Variants in LDLRAD2 observed in about 807,000 individuals in gnomAD.
LDLRAD2 encodes the protein low-density lipoprotein receptor class A domain-containing protein 2.
Under a neutral mutation model 24.9 loss-of-function variants are expected in LDLRAD2, and 25 were observed. That is an observed-to-expected ratio of 1.00 (90% CI 0.73 to 1.40). LDLRAD2 has a LOEUF of 1.40. Among genes scored for constraint, LDLRAD2 ranks in the 40% most tolerant of loss-of-function variants. The pLI is 0.00. For missense variants in LDLRAD2, 391 were observed against 366.2 expected, an observed-to-expected ratio of 1.07 and a Z score of -0.55; for synonymous variants, 182 against 166.7, an observed-to-expected ratio of 1.09 and a Z score of -0.71.
chr1:21,814,686 C>A lies in LDLRAD2; in HGVS notation c.374C>A (p.Pro125His), dbSNP rs201719027. ...FYEGPPGAPR[P>H]LGSPLCGLNI... ...GAGGGCCCGCCGGGGGCGCCCCGGC[C>A]CCTGGGGTCCCCACTGTGCGGCCTG... is the stretch of plus-strand genomic sequence containing the variant. The change falls in exon 2 of 5, where the codon CCC becomes CAC. Residue 125 changes from proline (P) to histidine (H), a missense_variant. Pro to His is a moderately conservative substitution (Grantham distance 77). Transcript: ENST00000344642. The A allele has an allele frequency of 1.9e-6, 3 of 1,573,548 alleles. No homozygotes were observed. Among genetic ancestry groups the A allele is most frequent in the Non-Finnish European group, 2.6e-6 (3 of 1,160,638 alleles).
rs559196119 is a variant in LDLRAD2 at position 21,812,265 on chromosome 1, C to T, written c.-187C>T. On this transcript the variant is annotated 5_prime_UTR_variant, in exon 1 of 5. Transcript: ENST00000344642. ...TCCATGGCAACCCCTGGACACAGTT[C>T]TGAACCAAATGAAGAGGATCTGGAA... 39 of 563,128 alleles carry T rather than the reference C, an allele frequency of 6.9e-5. No individual in the cohort carries two copies. In the South Asian group the frequency reaches 7.6e-4, roughly 11 times the overall value. The allele number at this position is 563,128 out of a possible 1,614,324, so 34.9% of individuals were successfully genotyped here.
rs560834218 is a variant in LDLRAD2 at position 21,825,137 on chromosome 1, G to A, written c.*2922G>A. 2.9e-6 allele frequency: 1 copy of A among 348,200 alleles called. No homozygotes were observed. The highest frequency in any genetic ancestry group is 7.0e-5 in the East Asian group (1 of 14,292). The allele number at this position is 348,200 out of a possible 1,614,324, so 21.6% of individuals were successfully genotyped here. A position where few individuals can be genotyped will look rare whatever the true frequency, so the allele number is the denominator to read the frequency against. ...TATCATTTACACATATTGCTGCTTT[G>A]AAATTGTGGTAGCTACTGAGATCAC... On this transcript the variant is annotated 3_prime_UTR_variant, in exon 5 of 5. Coordinates refer to ENST00000344642, the MANE Select transcript of LDLRAD2 (RefSeq NM_001013693.3).
In LDLRAD2 at chr1:21,824,408, C is replaced by T; in HGVS notation, c.*2193C>T. 2.5e-6 allele frequency: 4 copies of T among 1,612,602 alleles called. No individual in the cohort carries two copies. The highest frequency in any genetic ancestry group is 3.4e-6 in the Non-Finnish European group (4 of 1,179,088). On this transcript the variant is annotated 3_prime_UTR_variant, in exon 5 of 5. Transcript: ENST00000344642. The surrounding 1 kb of genome is among the most constrained non-coding windows in gnomAD (Gnocchi z 5.9). ...GGGAAGCACAGGGTCTCTGGGGTCC[C>T]CAGCCTGGAGAGCAGAGGCTGCCGA...
At chr1:21,820,273 C>T (rs1362108140) in intron 3 of LDLRAD2, among the ~76,000 whole-genome samples, 1 of 151,700 alleles carries the variant, frequency 6.6e-6, no homozygotes, top group East Asian at 1.9e-4. Context: ...CGGTGGCTCA[C>T]GCCTGTAATC....
In LDLRAD2 at chr1:21,823,803, C is replaced by G. The variant is rs545327188; in HGVS notation, c.*1588C>G. On this transcript the variant is annotated 3_prime_UTR_variant, in exon 5 of 5. Transcript: ENST00000344642. The stretch of plus-strand genomic sequence containing the variant: ...CGACAGAGTCCCCTCCCTCTGATAT[C>G]GAGACTCCAGACTCAGAAGTCTGTC... 1 of 1,039,522 alleles carries G rather than the reference C, an allele frequency of 9.6e-7. No homozygotes were observed. Among genetic ancestry groups the G allele is most frequent in the East Asian group, 2.4e-5 (1 of 41,652 alleles). The allele number at this position is 1,039,522 out of a possible 1,614,324, so 64.4% of individuals were successfully genotyped here. A position where few individuals can be genotyped will look rare whatever the true frequency, so the allele number is the denominator to read the frequency against.
At chr1:21,812,806 C>T (rs368305028) in intron 1 of LDLRAD2, among the ~76,000 whole-genome samples, 6 of 152,202 alleles carry the variant, frequency 3.9e-5, no homozygotes, top group African/African-American at 1.2e-4. Context: ...CTGTAGGCTT[C>T]GGATTCAGAG....
intron 4 of LDLRAD2, chr1:21,821,982 G>A (rs982479446): frequency 7.0e-7 from 1 of 1,425,506 alleles, no homozygotes; most frequent in East Asian, 2.5e-5. Flanking sequence ...TCGGGCACAT[G>A]GGAATGATAC....
At position 21,823,852 on chromosome 1, in the gene LDLRAD2, C is replaced by T. The variant is rs1233689686; in HGVS notation, c.*1637C>T. ...TCCCTGTTTCCCAAGCTCTTTCTTT[C>T]CCCCGCTGAACGAGAGATCGGGCCC... On this transcript the variant is annotated 3_prime_UTR_variant, in exon 5 of 5. Coordinates refer to ENST00000344642, the MANE Select transcript of LDLRAD2 (RefSeq NM_001013693.3). 6.3e-6 allele frequency: 5 copies of T among 795,796 alleles called. No homozygotes were observed. The highest frequency in any genetic ancestry group is 1.1e-5 in the Non-Finnish European group (5 of 471,836). The allele number at this position is 795,796 out of a possible 1,614,324, so 49.3% of individuals were successfully genotyped here.
At chr1:21,818,243 C>T (rs2097946189) in intron 3 of LDLRAD2, among the ~76,000 whole-genome samples, 1 of 149,390 alleles carries the variant, frequency 6.7e-6, no homozygotes, top group Non-Finnish European at 1.5e-5. Flanking sequence ...AACTCCTGAC[C>T]TCAAGTGATC....
chr1:21,818,742 TTA>T (rs1182433031), intron 3 of LDLRAD2, among the ~76,000 whole-genome samples: 1 of 152,078 alleles, frequency 6.6e-6, no homozygotes, highest in African/African-American at 2.4e-5. Context: ...GTAAATCAGG[TTA>T]TGTCACTATC....
At chr1:21,817,537 C>G (rs2097945149) in intron 3 of LDLRAD2, among the ~76,000 whole-genome samples, 1 of 152,098 alleles carries the variant, frequency 6.6e-6, no homozygotes, top group African/African-American at 2.4e-5. Flanking sequence ...GATGAGGTCT[C>G]ACTGTATTGC....
At chr1:21,819,886 A>G (rs1470663367) in intron 3 of LDLRAD2, among the ~76,000 whole-genome samples, 1 of 152,182 alleles carries the variant, frequency 6.6e-6, no homozygotes, top group Non-Finnish European at 1.5e-5. Flanking sequence ...GCTTCAGGGG[A>G]TGCCTCAAGA....
In LDLRAD2 at chr1:21,816,020, G is replaced by A. The variant is rs1166331345; in HGVS notation, c.589G>A (p.Asp197Asn). 1 of 1,613,848 alleles carries A rather than the reference G, an allele frequency of 6.2e-7. No homozygotes were observed. Among genetic ancestry groups the A allele is most frequent in the South Asian group, 1.1e-5 (1 of 91,090 alleles). ...CCTCGTGTGTGACCCCTGGGGCATG[G>A]ACAACTGTGGCGATGGCAGTGACCA... Reference protein sequence around the residue: ...SSLVCDPWGMDNCGDGSDQGS... With the variant: ...SSLVCDPWGMNNCGDGSDQGS... The change falls in exon 3 of 5, where the codon GAC becomes AAC. Residue 197 changes from aspartate to asparagine, a missense_variant. Asp to Asn is a conservative substitution (Grantham distance 23). Coordinates refer to ENST00000344642, the MANE Select transcript of LDLRAD2 (RefSeq NM_001013693.3).
intron 1 of LDLRAD2, among the ~76,000 whole-genome samples, chr1:21,813,266 G>A (rs2097940334): frequency 6.6e-6 from 1 of 152,004 alleles, no homozygotes; most frequent in Admixed American, 6.6e-5. Context: ...CTGCACTCCA[G>A]CCTGGCAACA....
chr1:21,821,418 TCA>T (rs1169830585), intron 3 of LDLRAD2, 30 bp from the exon 4 acceptor site: 24 of 1,611,286 alleles, frequency 1.5e-5, no homozygotes, highest in Non-Finnish European at 2.0e-5. Flanking sequence ...AGGGCAGTTC[TCA>T]GTGTGCTAGT....
chr1:21,815,246 T>A (rs1243586816), intron 2 of LDLRAD2, among the ~76,000 whole-genome samples: 3 of 152,106 alleles, frequency 2.0e-5, no homozygotes, highest in African/African-American at 7.2e-5. Context: ...TCCACACTCA[T>A]GCCTCTCACT....
rs539785277 is a variant in LDLRAD2 at position 21,823,547 on chromosome 1, G to T, written c.*1332G>T. On this transcript the variant is annotated 3_prime_UTR_variant, in exon 5 of 5. Transcript: ENST00000344642. ...TCCAGCAGCCCAGGAGGCGAGGAAG[G>T]CTGGGCGAGCTCTAGCCCTAAGGGA... The T allele has an allele frequency of 2.5e-6, 4 of 1,608,568 alleles. No homozygotes were observed. In the South Asian group the frequency reaches 4.4e-5, roughly 18 times the overall value.
At position 21,824,414 on chromosome 1, in the gene LDLRAD2, T is replaced by G; in HGVS notation, c.*2199T>G. The G allele has an allele frequency of 1.2e-6, 2 of 1,611,348 alleles. No individual in the cohort carries two copies. Among genetic ancestry groups the G allele is most frequent in the Non-Finnish European group, 1.7e-6 (2 of 1,178,110 alleles). On this transcript the variant is annotated 3_prime_UTR_variant, in exon 5 of 5. Transcript: ENST00000344642. This position sits in a 1 kb window ranked among gnomAD's most constrained non-coding sequence, Gnocchi z 5.9. ...CACAGGGTCTCTGGGGTCCCCAGCC[T>G]GGAGAGCAGAGGCTGCCGAGGCCAG... is the stretch of plus-strand genomic sequence containing the variant.
At chr1:21,815,917 C>T (rs1350818539) in intron 2 of LDLRAD2, 26 bp from the exon 3 acceptor site, 2 of 1,612,950 alleles carry the variant, frequency 1.2e-6, no homozygotes, top group Non-Finnish European at 1.7e-6. Flanking sequence ...GGAATCCTCA[C>T]CTCAGGCTTC....
Sources: gnomAD v4.1 joint callset for allele counts (sites outside exome capture counted in the v4.1 genomes callset) on GRCh38, gnomAD v4.1.1 for gene constraint, Gnocchi (gnomAD v3.1) non-coding constraint, MANE v1.5 for transcripts, NCBI Gene and HGNC (gene_info 2026-07-23, HGNC 2026-07-21) for gene names.